Variants in ROBO2 observed in about 807,000 individuals in gnomAD.
ROBO2 encodes the protein roundabout guidance receptor 2, also known as roundabout homolog 2.
ROBO2 carries 53 observed loss-of-function variants against 160.8 expected under a neutral mutation model. The observed-to-expected ratio is 0.33, with a 90% confidence interval of 0.26 to 0.41. ROBO2 has a LOEUF of 0.41. Among genes scored for constraint, ROBO2 ranks in the 10% least tolerant of loss-of-function variants. The pLI is 1.00. For synonymous variants in ROBO2, 664 were observed against 611.7 expected (o/e 1.09, Z -1.26); for missense variants, 1,577 against 1,722.4 (o/e 0.92, Z 1.49).
chr3:77,550,666 C>T, intron 7 of ROBO2, 152 bp from the exon 9 acceptor site: 1 of 773,882 alleles, frequency 1.3e-6, no homozygotes, highest in Non-Finnish European at 2.1e-6. Flanking sequence ...CAGTGAAACC[C>T]ACTGTGTGGC....
At chr3:76,259,451 T>G (rs1706603186) in intron 2 of ROBO2, among the ~76,000 whole-genome samples, 1 of 152,118 alleles carries the variant, frequency 6.6e-6, no homozygotes, top group South Asian at 2.1e-4. Context: ...ATCCAAATAC[T>G]TATTTGGATT....
Position 77,322,911 on chromosome 3 carries a change from ATATAT to A in ROBO2, c.389-154497_389-154493del, listed in dbSNP as rs1410730547. 2.3e-4 allele frequency among the ~76,000 whole-genome samples: 26 copies of A among 111,308 alleles called. 1 individual carries two copies. Among genetic ancestry groups the A allele is most frequent in the African/African-American group, 8.5e-4 (23 of 27,186 alleles). 73.0% of individuals were successfully genotyped at this position (111,308 alleles called of 152,430 possible). ...TATTATACATATATTATGTATTATAATATATTATATATTATGGATAATATAATATA... is the reference window on the plus strand; with the variant it reads ...TATTATACATATATTATGTATTATAATATATATTATGGATAATATAATATA... On this transcript the variant is annotated intron_variant, in intron 2 of 25. Coordinates refer to ENST00000461745, the Ensembl canonical transcript of ROBO2.
At chr3:77,556,255 A>T (rs1265742591) in intron 8 of ROBO2, among the ~76,000 whole-genome samples, 1 of 151,920 alleles carries the variant, frequency 6.6e-6, no homozygotes, top group African/African-American at 2.4e-5. Flanking sequence ...TTACTGACAG[A>T]TGTGCCAGAA....
Position 76,949,286 on chromosome 3 carries a change from A to G in ROBO2, c.110-148728A>G, listed in dbSNP as rs539915659. On this transcript the variant is annotated intron_variant, in intron 2 of 26. Coordinates refer to the ROBO2 transcript ENST00000487694. ...CTCAATTTTTTGTCAGAATCCTGCA[A>G]GTTGTAGGAATGAGTTTTTCCAGAA... is the stretch of plus-strand genomic sequence containing the variant. Among the ~76,000 whole-genome samples, 10 of 152,154 alleles carry G rather than the reference A, an allele frequency of 6.6e-5. No homozygotes were observed. In the South Asian group the frequency reaches 1.9e-3, roughly 28 times the overall value.
At chr3:76,660,396 A>G (rs986943526) in intron 2 of ROBO2, among the ~76,000 whole-genome samples, 4 of 152,152 alleles carry the variant, frequency 2.6e-5, no homozygotes, top group Admixed American at 6.6e-5. Flanking sequence ...ACAGTTCCCA[A>G]GTGAACACTT....
chr3:76,675,718 G>T (rs2092391219), intron 2 of ROBO2, among the ~76,000 whole-genome samples: 1 of 152,118 alleles, frequency 6.6e-6, no homozygotes, highest in South Asian at 2.1e-4. Flanking sequence ...GGTTTTAAAA[G>T]ATACAATATA....
intron 1 of ROBO2, among the ~76,000 whole-genome samples, chr3:77,047,189 G>A (rs1163026252): frequency 6.6e-6 from 1 of 152,138 alleles, no homozygotes; most frequent in Non-Finnish European, 1.5e-5. Flanking sequence ...ATGGCAAGAA[G>A]TCTAGATTGA....
rs77501837 is a variant in ROBO2, at chr3:76,821,971, T to A, written c.110-276043T>A. Among the ~76,000 whole-genome samples the A allele has an allele frequency of 2.6e-5, 4 of 152,124 alleles. No homozygotes were observed. The East Asian group carries it at 7.7e-4, about 29-fold the overall frequency. Reference sequence around the variant, plus strand: ...ATAAAGAGACCAATACTTGTTTAATTCTTAAATAATGAAACTCCAGTTTTA... The same window carrying A: ...ATAAAGAGACCAATACTTGTTTAATACTTAAATAATGAAACTCCAGTTTTA... On this transcript the variant is annotated intron_variant, in intron 2 of 26. Coordinates refer to the ROBO2 transcript ENST00000487694.
At chr3:77,237,653 A>G (rs1486895264) in intron 2 of ROBO2, among the ~76,000 whole-genome samples, 1 of 152,166 alleles carries the variant, frequency 6.6e-6, no homozygotes, top group African/African-American at 2.4e-5. Context: ...TTGACATGTC[A>G]GTTACTTCGT....
chr3:76,742,798 A>G, intron 2 of ROBO2, among the ~76,000 whole-genome samples: 1 of 88,242 alleles, frequency 1.1e-5, no homozygotes, highest in Non-Finnish European at 2.3e-5. Flanking sequence ...ACACACACCC[A>G]CCCACCCAAC....
At chr3:77,327,404 G>T (rs920418899) in intron 2 of ROBO2, among the ~76,000 whole-genome samples, 2 of 152,128 alleles carry the variant, frequency 1.3e-5, no homozygotes, top group African/African-American at 2.4e-5. Context: ...GGGAGAAAGA[G>T]AAAGAACTAG....
At chr3:76,836,474 T>C (rs2067701760) in intron 2 of ROBO2, among the ~76,000 whole-genome samples, 1 of 151,164 alleles carries the variant, frequency 6.6e-6, no homozygotes, top group Admixed American at 6.6e-5. Flanking sequence ...AAAAAGACTT[T>C]GGGGGGGCAG....
In ROBO2 at chr3:77,009,759, A is replaced by T. The variant is rs375426516; in HGVS notation, c.110-88255A>T. ...TCAGGAGTTCAGGACAAGCTTGGCC[A>T]TCATGGTGAAAACCCATCTCTACTA... On this transcript the variant is annotated intron_variant, in intron 2 of 26. Coordinates refer to the ROBO2 transcript ENST00000487694. 4.6e-5 allele frequency among the ~76,000 whole-genome samples: 7 copies of T among 152,138 alleles called. No individual in the cohort carries two copies. The East Asian group carries it at 1.2e-3, about 25-fold the overall frequency.
At position 77,296,318 on chromosome 3, in the gene ROBO2, C is replaced by T. The variant is rs149294232; in HGVS notation, c.389-181096C>T. Among the ~76,000 whole-genome samples the T allele has an allele frequency of 3.0e-3, 459 of 151,984 alleles. 1 individual carries two copies. Among genetic ancestry groups the T allele is most frequent in the African/African-American group, 0.011 (443 of 41,430 alleles). ...ACATAAAGTAAAATTGATGGTTAAA[C>T]GGGCAAGCTGAGGCTAGATCACCCC... On this transcript the variant is annotated intron_variant, in intron 2 of 25. Coordinates refer to ENST00000461745, the Ensembl canonical transcript of ROBO2.
intron 2 of ROBO2, among the ~76,000 whole-genome samples, chr3:76,876,688 AAG>A (rs1205256905): frequency 1.3e-5 from 2 of 152,108 alleles, no homozygotes; most frequent in Admixed American, 1.3e-4. Context: ...AAAAAAAAAA[AAG>A]AGTATCTTGA....
intron 2 of ROBO2, among the ~76,000 whole-genome samples, chr3:76,099,590 G>T (rs1464125579): frequency 4.7e-5 from 7 of 150,170 alleles, no homozygotes; most frequent in African/African-American, 1.8e-4. Flanking sequence ...TGAAGAAAAT[G>T]ACTAACAATA....
At chr3:77,058,519 T>C (rs1370551644) in intron 1 of ROBO2, among the ~76,000 whole-genome samples, 1 of 152,194 alleles carries the variant, frequency 6.6e-6, no homozygotes, top group Middle Eastern at 3.4e-3. Context: ...AACATATAGT[T>C]GCTTTTATTT....
chr3:75,978,740 T>C (rs1416090964), intron 2 of ROBO2, among the ~76,000 whole-genome samples: 2 of 151,596 alleles, frequency 1.3e-5, no homozygotes, highest in East Asian at 3.9e-4. Flanking sequence ...ATCTAGTGAA[T>C]AACTTTACAG....
At chr3:77,514,137 A>G (rs917043648) in intron 5 of ROBO2, among the ~76,000 whole-genome samples, 1 of 151,694 alleles carries the variant, frequency 6.6e-6, no homozygotes, top group Non-Finnish European at 1.5e-5. Flanking sequence ...TGTGTTGATC[A>G]TATATAATAT....
Sources: gnomAD v4.1 joint callset for allele counts (sites outside exome capture counted in the v4.1 genomes callset) on GRCh38, gnomAD v4.1.1 for gene constraint, MANE v1.5 for transcripts, NCBI Gene and HGNC (gene_info 2026-07-23, HGNC 2026-07-21) for gene names.